TIMP4: variants seen among roughly 807,000 people sequenced by gnomAD.
TIMP4 encodes the protein TIMP metallopeptidase inhibitor 4.
In TIMP4, 28 loss-of-function variants were observed where a neutral mutation model predicts 27.3. That is an observed-to-expected ratio of 1.03 (90% confidence interval 0.76 to 1.41). The LOEUF is 1.41. TIMP4 is among the 40% of genes most tolerant of loss of function. The pLI is 0.00. For missense variants in TIMP4, 307 were observed against 285.5 expected (o/e 1.08, Z -0.54); for synonymous variants, 138 against 115.5 (o/e 1.20, Z -1.25).
intron 3 of TIMP4, among the ~76,000 whole-genome samples, chr3:12,155,684 A>T (rs1697434327): frequency 6.6e-6 from 1 of 152,168 alleles, no homozygotes; most frequent in Admixed American, 6.5e-5. Context: ...CACCATTGAT[A>T]ACTTTTCTTA....
At position 12,153,420 on chromosome 3, in the gene TIMP4, A is replaced by G. The variant is rs924301258; in HGVS notation, c.*95T>C. 7.1e-7 allele frequency: 1 copy of G among 1,407,128 alleles called. No individual in the cohort carries two copies. Among genetic ancestry groups the G allele is most frequent in the African/African-American group, 1.4e-5 (1 of 70,706 alleles). The allele number at this position is 1,407,128 out of a possible 1,614,324, so 87.2% of individuals were successfully genotyped here. On this transcript the variant is annotated 3_prime_UTR_variant, in exon 5 of 5. Coordinates refer to ENST00000287814, the MANE Select transcript of TIMP4 (RefSeq NM_003256.4). ...TTGGCACTTCTTATTAGCTGGCAGC[A>G]AGAGGTCAGGTGGTAATGGCCAAAG...
chr3:12,156,158 C>G (rs1352205230), intron 3 of TIMP4, among the ~76,000 whole-genome samples: 2 of 152,208 alleles, frequency 1.3e-5, no homozygotes, highest in African/African-American at 2.4e-5. Flanking sequence ...GTTCCCTCCC[C>G]CACTGCTGTG....
rs1697545990 is a variant in TIMP4 at position 12,158,803 on chromosome 3, A to G, written c.38T>C (p.Leu13Pro). ...GSPRPAPSWV[L>P]LLRLLALLRP... Reference sequence around the variant, plus strand: ...CAGCAACGCCAGCAGCCGCAGCAACAGCACCCAGCTTGGCGCGGGCCGAGG... The same window carrying G: ...CAGCAACGCCAGCAGCCGCAGCAACGGCACCCAGCTTGGCGCGGGCCGAGG... Residue 13 changes from leucine (L) to proline (P), a missense_variant, in exon 1 of 5, where the codon CTG becomes CCG. Coordinates refer to ENST00000287814, the MANE Select transcript of TIMP4 (RefSeq NM_003256.4). The G allele has an allele frequency of 1.9e-6, 3 of 1,601,802 alleles. No individual in the cohort carries two copies. Among genetic ancestry groups the G allele is most frequent in the Non-Finnish European group, 2.5e-6 (3 of 1,177,470 alleles).
At chr3:12,158,499 T>A in intron 1 of TIMP4, 1 of 689,538 alleles carries the variant, frequency 1.5e-6, no homozygotes, top group Non-Finnish European at 2.3e-6. Context: ...GATGAAATCT[T>A]CATTTCCTTA....
In TIMP4 at chr3:12,154,440, T is replaced by G; in HGVS notation, c.364A>C (p.Ser122Arg). The G allele has an allele frequency of 6.2e-7, 1 of 1,614,120 alleles. No homozygotes were observed. Among genetic ancestry groups the G allele is most frequent in the Non-Finnish European group, 8.5e-7 (1 of 1,180,004 alleles). Residue 122 changes from serine (S) to arginine (R), a missense_variant, in exon 4 of 5, where the codon AGT (serine) becomes CGT (arginine). Physicochemically the swap from Ser to Arg is moderately radical, Grantham distance 110. Coordinates refer to ENST00000287814, the MANE Select transcript of TIMP4 (RefSeq NM_003256.4). ...KQYLLTGQVL[S>R]DGKVFIHLCN... is the part of the protein sequence containing the mutation. ...AGATGGATGAAGACTTTTCCATCAC[T>G]GAGGACCTGACCTTCAAGGGGAGAT...
At position 12,157,377 on chromosome 3, in the gene TIMP4, C is replaced by T; in HGVS notation, c.237+8G>A. ...AGGGGCTACACATCCCAGCCTGCCCCCATGTACCTTTATCTGTTTGATTTC... is the reference window on the plus strand; with the variant it reads ...AGGGGCTACACATCCCAGCCTGCCCTCATGTACCTTTATCTGTTTGATTTC... On this transcript the variant is annotated splice_region_variant and intron_variant, in intron 2 of 4. Coordinates refer to ENST00000287814, the MANE Select transcript of TIMP4 (RefSeq NM_003256.4). The T allele has an allele frequency of 6.2e-7, 1 of 1,613,806 alleles. No homozygotes were observed. Among genetic ancestry groups the T allele is most frequent in the Non-Finnish European group, 8.5e-7 (1 of 1,179,750 alleles).
intron 3 of TIMP4, among the ~76,000 whole-genome samples, chr3:12,156,613 T>C (rs1461239446): frequency 6.6e-6 from 1 of 152,204 alleles, no homozygotes; most frequent in Non-Finnish European, 1.5e-5. Context: ...CCAGGGTCAC[T>C]GTACTAAGAA....
intron 3 of TIMP4, among the ~76,000 whole-genome samples, chr3:12,154,698 C>G (rs1697404663): frequency 6.6e-6 from 1 of 152,192 alleles, no homozygotes; most frequent in Non-Finnish European, 1.5e-5. Flanking sequence ...TAGCATGGTA[C>G]AGAGAGAAGA....
rs566263904 is a variant in TIMP4, at chr3:12,158,781, C to T, written c.60G>A (p.Leu20=). 5.6e-6 allele frequency: 9 copies of T among 1,603,968 alleles called. No individual in the cohort carries two copies. Among genetic ancestry groups the T allele is most frequent in the African/African-American group, 2.7e-5 (2 of 74,976 alleles). Residue 20 remains leucine, a synonymous_variant, in exon 1 of 5, where the codon TTG becomes TTA. Coordinates refer to ENST00000287814, the MANE Select transcript of TIMP4 (RefSeq NM_003256.4). ...SWVLLLRLLA[L]LRPPGLGEAC... is the part of the protein sequence containing the mutation. ...CCTCACCCAGCCCCGGGGGCCGCAG[C>T]AACGCCAGCAGCCGCAGCAACAGCA...
In TIMP4 at chr3:12,157,374, C is replaced by T; in HGVS notation, c.237+11G>A. 2 of 1,613,060 alleles carry T rather than the reference C, an allele frequency of 1.2e-6. No homozygotes were observed. Among genetic ancestry groups the T allele is most frequent in the Non-Finnish European group, 1.7e-6 (2 of 1,179,100 alleles). ...CTTAGGGGCTACACATCCCAGCCTG[C>T]CCCCATGTACCTTTATCTGTTTGAT... On this transcript the variant is annotated intron_variant, in intron 2 of 4. Transcript: ENST00000287814.
intron 3 of TIMP4, 129 bp from the exon 4 acceptor site, chr3:12,154,580 C>T: frequency 2.2e-6 from 2 of 926,434 alleles, no homozygotes; most frequent in Non-Finnish European, 3.3e-6. Context: ...GCATGGGGCT[C>T]AGTGAAGGGA....
chr3:12,157,752 C>G (rs1166375423), intron 1 of TIMP4, among the ~76,000 whole-genome samples: 3 of 152,116 alleles, frequency 2.0e-5, no homozygotes, highest in Admixed American at 6.5e-5. Context: ...AGCTCTAGTT[C>G]TCCATAGCCG....
At chr3:12,157,568 A>C (rs913494485) in intron 1 of TIMP4, 86 bp from the exon 2 acceptor site, 1 of 1,328,178 alleles carries the variant, frequency 7.5e-7, no homozygotes, top group Non-Finnish European at 1.1e-6. Flanking sequence ...TCCATGAAGA[A>C]GTCTATAGGG....
chr3:12,155,706 G>A (rs73813139), intron 3 of TIMP4, among the ~76,000 whole-genome samples: 5,137 of 152,174 alleles, frequency 0.034, 267 homozygotes, highest in African/African-American at 0.11. Flanking sequence ...ACTATTTTTT[G>A]TCATTTCTCC....
chr3:12,156,923 C>G lies in TIMP4; in HGVS notation c.249G>C (p.Gly83=). Residue 83 remains glycine, a synonymous_variant, in exon 3 of 5, where the codon GGG becomes GGC. Transcript: ENST00000287814. Reference sequence around the variant, plus strand: ...ACTGAACATCCTTGACTTTCTCAAACCCTTTGAACATCTGACAGGCAATTA... The same window carrying G: ...ACTGAACATCCTTGACTTTCTCAAAGCCTTTGAACATCTGACAGGCAATTA... ...YEIKQIKMFK[G]FEKVKDVQYI... The G allele has an allele frequency of 6.2e-7, 1 of 1,613,636 alleles. No individual in the cohort carries two copies. The highest frequency in any genetic ancestry group is 8.5e-7 in the Non-Finnish European group (1 of 1,179,592).
intron 4 of TIMP4, 52 bp downstream of exon 4, chr3:12,154,275 C>T: frequency 1.2e-6 from 2 of 1,612,484 alleles, no homozygotes; most frequent in Non-Finnish European, 8.5e-7. Flanking sequence ...TGAATGAAGG[C>T]TCAGAACCCT....
intron 1 of TIMP4, 115 bp downstream of exon 1, chr3:12,158,587 A>C: frequency 4.8e-4 from 634 of 1,308,156 alleles, no homozygotes; most frequent in Non-Finnish European, 5.7e-4. Context: ...AGCAAGAGAC[A>C]ACCGGTAAGA....
At chr3:12,157,529 A>C in intron 1 of TIMP4, 47 bp from the exon 2 acceptor site, 1 of 1,568,928 alleles carries the variant, frequency 6.4e-7, no homozygotes, top group Non-Finnish European at 8.8e-7. Flanking sequence ...TGGTGGGGGC[A>C]ATACACCTGA....
At chr3:12,157,003 A>G in intron 2 of TIMP4, 69 bp from the exon 3 acceptor site, 2 of 1,129,168 alleles carry the variant, frequency 1.8e-6, no homozygotes, top group Non-Finnish European at 2.6e-6. Context: ...ACAGACAAAA[A>G]CCTCTCACTT....
Sources: gnomAD v4.1 joint callset for allele counts (sites outside exome capture counted in the v4.1 genomes callset) on GRCh38, gnomAD v4.1.1 for gene constraint, MANE v1.5 for transcripts, NCBI Gene and HGNC (gene_info 2026-07-23, HGNC 2026-07-21) for gene names.